Variants in PCBP3 observed in about 807,000 individuals in gnomAD.
PCBP3 encodes the protein poly(rC) binding protein 3.
In PCBP3, 25 loss-of-function variants were observed where a neutral mutation model predicts 52.7. The ratio of observed to expected loss-of-function variants is 0.47; its 90% CI spans 0.35 to 0.66. The LOEUF is 0.66. Ranked by LOEUF, PCBP3 falls within the 30% of genes least tolerant of loss-of-function variation. The pLI is 0.01. For synonymous variants in PCBP3, 162 were observed against 183.0 expected, an observed-to-expected ratio of 0.89 and a Z score of 0.93; for missense variants, 391 against 490.3, an observed-to-expected ratio of 0.80 and a Z score of 1.91.
intron 4 of PCBP3, among the ~76,000 whole-genome samples, chr21:45,785,205 T>C (rs1249861080): frequency 1.4e-5 from 2 of 147,690 alleles, no homozygotes; most frequent in Non-Finnish European, 3.0e-5. Flanking sequence ...GTCTGAGAAG[T>C]GAGGAGCCCC....
chr21:45,804,876 G>T (rs2092439345), intron 4 of PCBP3, among the ~76,000 whole-genome samples: 1 of 152,164 alleles, frequency 6.6e-6, no homozygotes. Flanking sequence ...AGGAAGGCCA[G>T]GCCGTGTTCC....
rs114492004 is a variant in PCBP3 at position 45,728,427 on chromosome 21, G to A, written c.-199-6965G>A. Among the ~76,000 whole-genome samples the A allele has an allele frequency of 3.1e-3, 479 of 152,148 alleles. 1 individual carries two copies. The highest frequency in any genetic ancestry group is 0.011 in the African/African-American group (460 of 41,482). ...AATAGTAAGCCAGTTGCATTTCTGG[G>A]TTAAAACCCACTTTATCTGCATGTA... On this transcript the variant is annotated intron_variant, in intron 2 of 17. Transcript: ENST00000681687.
At chr21:45,784,153 T>TA (rs2090861431) in intron 4 of PCBP3, among the ~76,000 whole-genome samples, 1 of 152,084 alleles carries the variant, frequency 6.6e-6, no homozygotes, top group South Asian at 2.1e-4. Flanking sequence ...ACCTCTGAAA[T>TA]AAAAAATGTA....
intron 11 of PCBP3, 120 bp downstream of exon 11, chr21:45,911,150 G>T (rs570749828): frequency 2.6e-6 from 3 of 1,170,362 alleles, no homozygotes; most frequent in East Asian, 2.4e-5. Flanking sequence ...GCTGTGGGGG[G>T]CTCCTGACCC....
rs904816969 is a variant in PCBP3 at position 45,741,015 on chromosome 21, G to A, written c.-162+5586G>A. Among the ~76,000 whole-genome samples the A allele has an allele frequency of 7.2e-5, 11 of 152,182 alleles. No homozygotes were observed. Among genetic ancestry groups the A allele is most frequent in the African/African-American group, 1.9e-4 (8 of 41,448 alleles). On this transcript the variant is annotated intron_variant, in intron 3 of 17. Coordinates refer to ENST00000681687, the MANE Select transcript of PCBP3 (RefSeq NM_001384156.1). This position sits in a 1 kb window ranked among gnomAD's most constrained non-coding sequence, Gnocchi z 4.5. ...AAGGTGACTTGGGAGCCTGCCCTGC[G>A]GTGGGGGACTGTCCTAAACGGAAAG...
intron 2 of PCBP3, among the ~76,000 whole-genome samples, chr21:45,678,155 C>T (rs1182190598): frequency 6.6e-6 from 1 of 152,010 alleles, no homozygotes; most frequent in Non-Finnish European, 1.5e-5. Flanking sequence ...GCCTGGCTAA[C>T]ACGGTGAAAC....
At chr21:45,797,823 A>C (rs2092051367) in intron 4 of PCBP3, among the ~76,000 whole-genome samples, 1 of 18,162 alleles carries the variant, frequency 5.5e-5, no homozygotes, top group African/African-American at 2.9e-4. Context: ...GGACAGATGC[A>C]TGTATCCATA....
At chr21:45,735,000 C>T (rs887997266) in intron 2 of PCBP3, among the ~76,000 whole-genome samples, 10 of 152,224 alleles carry the variant, frequency 6.6e-5, no homozygotes, top group African/African-American at 2.4e-4. Context: ...GGAGCCGAGA[C>T]TGTGGGTGTT....
intron 15 of PCBP3, among the ~76,000 whole-genome samples, chr21:45,934,762 G>C (rs551460957): frequency 6.6e-6 from 1 of 152,308 alleles, no homozygotes; most frequent in Admixed American, 6.5e-5. Context: ...CAGGGAGGTG[G>C]GGCACTGTCG....
intron 2 of PCBP3, among the ~76,000 whole-genome samples, chr21:45,732,532 A>G (rs894056941): frequency 6.8e-6 from 1 of 146,738 alleles, no homozygotes; most frequent in Non-Finnish European, 1.5e-5. Flanking sequence ...TAATTTGATT[A>G]TGACGTGCCT....
intron 4 of PCBP3, among the ~76,000 whole-genome samples, chr21:45,756,899 A>T (rs1277418647): frequency 6.6e-6 from 1 of 152,226 alleles, no homozygotes; most frequent in Non-Finnish European, 1.5e-5. Context: ...TTTATCCATT[A>T]TAGTTGACGG....
At chr21:45,875,964 C>A (rs761406643) in intron 5 of PCBP3, among the ~76,000 whole-genome samples, 2 of 152,176 alleles carry the variant, frequency 1.3e-5, no homozygotes, top group Non-Finnish European at 2.9e-5. Context: ...TGCCCATGGC[C>A]CCGCATCCCC....
At chr21:45,765,008 G>A (rs963914621) in intron 4 of PCBP3, among the ~76,000 whole-genome samples, 1 of 152,202 alleles carries the variant, frequency 6.6e-6, no homozygotes, top group Non-Finnish European at 1.5e-5. Context: ...AGCCTGTGGC[G>A]AGACGTGGAC....
intron 2 of PCBP3, among the ~76,000 whole-genome samples, chr21:45,674,593 G>A (rs1325314952): frequency 6.6e-6 from 1 of 152,160 alleles, no homozygotes; most frequent in African/African-American, 2.4e-5. Flanking sequence ...AAATAATAAT[G>A]AAGTAGGTTA....
At position 45,880,417 on chromosome 21, in the gene PCBP3, ACTGT is replaced by A. The variant is rs1474703742; in HGVS notation, c.11-15787_11-15784del. On this transcript the variant is annotated intron_variant, in intron 5 of 17. Coordinates refer to ENST00000681687, the MANE Select transcript of PCBP3 (RefSeq NM_001384156.1). The surrounding 1 kb of genome is among the most constrained non-coding windows in gnomAD (Gnocchi z 5.4). Reference sequence around the variant, plus strand: ...GCAGACCCCCAGCAAACCCTCAGTGACTGTCTGAATGAAAAACGCAGGAGTGGGT... The same window carrying A: ...GCAGACCCCCAGCAAACCCTCAGTGACTGAATGAAAAACGCAGGAGTGGGT... Among the ~76,000 whole-genome samples the A allele has an allele frequency of 1.3e-5, 2 of 152,236 alleles. No homozygotes were observed. The highest frequency in any genetic ancestry group is 2.4e-5 in the African/African-American group (1 of 41,466).
rs1396951687 is a variant in PCBP3 at position 45,724,224 on chromosome 21, A to G, written c.-199-11168A>G. Among the ~76,000 whole-genome samples the G allele has an allele frequency of 6.6e-6, 1 of 152,192 alleles. No individual in the cohort carries two copies. Among genetic ancestry groups the G allele is most frequent in the African/African-American group, 2.4e-5 (1 of 41,440 alleles). ...GAGATCTGTTGAAGTCTGAGCTCCT[A>G]TTAACACATTTATCGAAAATGGAAC... On this transcript the variant is annotated intron_variant, in intron 2 of 17. Transcript: ENST00000681687. The surrounding 1 kb of genome is among the most constrained non-coding windows in gnomAD (Gnocchi z 5.3).
intron 4 of PCBP3, among the ~76,000 whole-genome samples, chr21:45,832,430 C>G (rs1289386775): frequency 6.6e-6 from 1 of 152,190 alleles, no homozygotes; most frequent in South Asian, 2.1e-4. Flanking sequence ...TGCAGCCCAA[C>G]AGGTCTCAGC....
chr21:45,833,993 G>A (rs1000524346), intron 4 of PCBP3, among the ~76,000 whole-genome samples: 7 of 152,188 alleles, frequency 4.6e-5, no homozygotes, highest in Admixed American at 6.5e-5. Flanking sequence ...TGAGGATGGC[G>A]TGGATGTTAT....
chr21:45,936,097 G>GC (rs1401536508), intron 16 of PCBP3, among the ~76,000 whole-genome samples: 3 of 152,194 alleles, frequency 2.0e-5, no homozygotes, highest in African/African-American at 7.2e-5. Flanking sequence ...TCACTGTTCT[G>GC]CCCCTTTACA....
Sources: gnomAD v4.1 joint callset for allele counts (sites outside exome capture counted in the v4.1 genomes callset) on GRCh38, gnomAD v4.1.1 for gene constraint, Gnocchi (gnomAD v3.1) non-coding constraint, MANE v1.5 for transcripts, NCBI Gene and HGNC (gene_info 2026-07-23, HGNC 2026-07-21) for gene names.